DPP10: variants seen among roughly 807,000 people sequenced by gnomAD.
The protein encoded by DPP10 is inactive dipeptidyl peptidase 10.
DPP10 carries 33 observed loss-of-function variants against 120.9 expected under a neutral mutation model. The observed-to-expected ratio is 0.27, with a 90% confidence interval of 0.21 to 0.37. DPP10 has a LOEUF of 0.37. Among genes scored for constraint, DPP10 ranks in the 10% least tolerant of loss-of-function variants. DPP10 has a pLI of 1.00. For missense variants in DPP10, 816 were observed against 942.8 expected (o/e 0.87, Z 1.76); for synonymous variants, 337 against 326.1 (o/e 1.03, Z -0.36).
At chr2:114,875,947 C>T (rs949081747) in intron 1 of DPP10, among the ~76,000 whole-genome samples, 4 of 152,108 alleles carry the variant, frequency 2.6e-5, no homozygotes, top group Non-Finnish European at 5.9e-5. Flanking sequence ...AGTTTTCAGA[C>T]ATTCCAATAT....
At chr2:114,443,752 T>C (rs1677791498) in intron 1 of DPP10, among the ~76,000 whole-genome samples, 1 of 151,994 alleles carries the variant, frequency 6.6e-6, no homozygotes, top group Non-Finnish European at 1.5e-5. Flanking sequence ...AGGGCATCTT[T>C]AGTTACTGCA....
intron 3 of DPP10, among the ~76,000 whole-genome samples, chr2:115,346,301 A>G (rs966032517): frequency 1.3e-5 from 2 of 152,170 alleles, no homozygotes; most frequent in African/African-American, 4.8e-5. Context: ...TGATATCTCA[A>G]CAGGTTTTCT....
At chr2:115,186,168 C>T (rs10191987) in intron 1 of DPP10, among the ~76,000 whole-genome samples, 2,788 of 152,312 alleles carry the variant, frequency 0.018, 82 homozygotes, top group African/African-American at 0.063. Context: ...CACTGCGGAG[C>T]TCCGTTGTTT....
chr2:115,807,529 A>G (rs1034516143), intron 19 of DPP10, among the ~76,000 whole-genome samples: 2 of 152,206 alleles, frequency 1.3e-5, no homozygotes, highest in African/African-American at 2.4e-5. Flanking sequence ...CATTACTCTC[A>G]TGATGGTCAT....
intron 12 of DPP10, among the ~76,000 whole-genome samples, chr2:115,767,548 T>TCACAC (rs1680933368): frequency 5.3e-5 from 8 of 151,868 alleles, no homozygotes; most frequent in African/African-American, 1.9e-4. Flanking sequence ...ATAGTGTGTG[T>TCACAC]ATATATACAC....
At chr2:114,623,283 C>T (rs1694238757) in intron 1 of DPP10, among the ~76,000 whole-genome samples, 1 of 151,988 alleles carries the variant, frequency 6.6e-6, no homozygotes, top group African/African-American at 2.4e-5. Flanking sequence ...GAGACTCTAT[C>T]ACAAATAGAA....
At chr2:115,591,872 T>A (rs1486322987) in intron 5 of DPP10, among the ~76,000 whole-genome samples, 1 of 152,190 alleles carries the variant, frequency 6.6e-6, no homozygotes, top group Non-Finnish European at 1.5e-5. Context: ...GTCCTTCACA[T>A]CCCTTGTAAG....
intron 1 of DPP10, among the ~76,000 whole-genome samples, chr2:115,015,502 G>T (rs1046717759): frequency 6.6e-6 from 1 of 152,100 alleles, no homozygotes; most frequent in African/African-American, 2.4e-5. Flanking sequence ...TCTGGCCAGG[G>T]CAATCAGGCC....
At chr2:114,472,940 CATCTT>C (rs1287073924) in intron 1 of DPP10, among the ~76,000 whole-genome samples, 1 of 152,306 alleles carries the variant, frequency 6.6e-6, no homozygotes, top group East Asian at 1.9e-4. Context: ...ATAGCAACCA[CATCTT>C]ATAATATGTG....
At chr2:115,531,046 T>C (rs913049665) in intron 5 of DPP10, among the ~76,000 whole-genome samples, 3 of 152,160 alleles carry the variant, frequency 2.0e-5, no homozygotes, top group Non-Finnish European at 4.4e-5. Context: ...ACACGCTTAA[T>C]CCTTATATCT....
chr2:114,709,077 C>T (rs1199584276), intron 1 of DPP10, among the ~76,000 whole-genome samples: 1 of 152,128 alleles, frequency 6.6e-6, no homozygotes, highest in Non-Finnish European at 1.5e-5. Flanking sequence ...TCTTTCACTG[C>T]TCTACCTCTT....
intron 7 of DPP10, among the ~76,000 whole-genome samples, chr2:115,695,412 G>T (rs1487090737): frequency 6.6e-6 from 1 of 152,162 alleles, no homozygotes; most frequent in African/African-American, 2.4e-5. Context: ...AGGTTTAATG[G>T]ACTCACAGTT....
intron 5 of DPP10, among the ~76,000 whole-genome samples, chr2:115,540,267 C>T (rs974509951): frequency 6.6e-6 from 1 of 151,920 alleles, no homozygotes; most frequent in African/African-American, 2.4e-5. Context: ...CTTAATTCTA[C>T]TTACTTAAAC....
At chr2:115,328,888 T>C (rs925849) in intron 2 of DPP10, among the ~76,000 whole-genome samples, 105,749 of 151,902 alleles carry the variant, frequency 0.7, 37,338 homozygotes, top group Admixed American at 0.76. Context: ...TACCTGCTAG[T>C]GAAGGGTTGA....
intron 1 of DPP10, among the ~76,000 whole-genome samples, chr2:114,601,781 C>T (rs1302030997): frequency 6.6e-6 from 1 of 151,906 alleles, no homozygotes; most frequent in Non-Finnish European, 1.5e-5. Context: ...GCATTAAGTT[C>T]TGAAGTCATG....
At chr2:115,727,618 A>T (rs1482865246) in intron 7 of DPP10, among the ~76,000 whole-genome samples, 198 bp from the exon 8 acceptor site, 1 of 152,164 alleles carries the variant, frequency 6.6e-6, no homozygotes, top group Non-Finnish European at 1.5e-5. Context: ...TTTCCAAATG[A>T]CAACTTGATA....
intron 1 of DPP10, among the ~76,000 whole-genome samples, chr2:114,469,187 T>C (rs978185791): frequency 6.6e-6 from 1 of 152,162 alleles, no homozygotes; most frequent in African/African-American, 2.4e-5. Flanking sequence ...TTCCAGAAAC[T>C]GTTACTGTTT....
chr2:115,641,421 G>A (rs148476375), intron 5 of DPP10, among the ~76,000 whole-genome samples: 2 of 152,170 alleles, frequency 1.3e-5, no homozygotes, highest in East Asian at 3.9e-4. Flanking sequence ...GTCCCCAAAT[G>A]TGCCCACCTC....
chr2:114,477,525 G>GTA (rs76272255), intron 1 of DPP10, among the ~76,000 whole-genome samples: 20 of 149,580 alleles, frequency 1.3e-4, no homozygotes, highest in Non-Finnish European at 2.4e-4. Context: ...GTGTATATAT[G>GTA]TATATATATA....
Sources: allele counts gnomAD v4.1 joint callset (sites outside exome capture counted in the v4.1 genomes callset), GRCh38; gene constraint gnomAD v4.1.1; transcripts MANE v1.5; gene names NCBI Gene and HGNC (gene_info 2026-07-23, HGNC 2026-07-21).